EXOC4: variants seen among roughly 807,000 people sequenced by gnomAD.
EXOC4 encodes the protein exocyst complex component 4, also known as SEC8-like 1.
Under a neutral mutation model 107.2 loss-of-function variants are expected in EXOC4, and 71 were observed. That is an observed-to-expected ratio of 0.66 (90% CI 0.55 to 0.81). The LOEUF (loss-of-function observed/expected upper bound fraction) is 0.81. EXOC4 is among the 30% of genes least tolerant of loss of function. EXOC4 has a pLI of 0.00. For synonymous variants in EXOC4, 456 were observed against 441.2 expected (o/e 1.03, Z -0.42); for missense variants, 1,108 against 1,189.6 (o/e 0.93, Z 1.01).
chr7:133,949,451 T>C (rs996469354), intron 14 of EXOC4, among the ~76,000 whole-genome samples: 4 of 152,188 alleles, frequency 2.6e-5, no homozygotes, highest in African/African-American at 9.7e-5. Context: ...CTAAGACTGA[T>C]GAAAAACCTA....
chr7:133,918,008 A>G (rs1799849438), intron 13 of EXOC4, among the ~76,000 whole-genome samples: 1 of 149,740 alleles, frequency 6.7e-6, no homozygotes, highest in Non-Finnish European at 1.5e-5. Flanking sequence ...TTTGAGACAG[A>G]GTCTCACTCT....
intron 7 of EXOC4, among the ~76,000 whole-genome samples, chr7:133,461,750 C>T (rs1360542487): frequency 6.6e-6 from 1 of 152,198 alleles, no homozygotes; most frequent in Non-Finnish European, 1.5e-5. Context: ...CTCCAAGGAG[C>T]TCATCTGTGA....
chr7:133,951,893 G>T (rs770880616), intron 14 of EXOC4, among the ~76,000 whole-genome samples: 3 of 152,210 alleles, frequency 2.0e-5, no homozygotes, highest in Non-Finnish European at 4.4e-5. Flanking sequence ...AGGTGCAGTG[G>T]CTCACGCCTG....
intron 13 of EXOC4, among the ~76,000 whole-genome samples, chr7:133,918,071 C>T (rs1799850830): frequency 6.6e-6 from 1 of 152,022 alleles, no homozygotes; most frequent in Middle Eastern, 3.4e-3. Context: ...CAAACTCCAC[C>T]TCCTGGGTTC....
At chr7:133,478,349 T>A (rs1049180361) in intron 8 of EXOC4, among the ~76,000 whole-genome samples, 1 of 152,020 alleles carries the variant, frequency 6.6e-6, no homozygotes, top group Admixed American at 6.6e-5. Context: ...ATGAACAAAT[T>A]GGCTTAAATA....
chr7:133,523,155 T>C (rs1800011578), intron 9 of EXOC4, among the ~76,000 whole-genome samples: 1 of 152,180 alleles, frequency 6.6e-6, no homozygotes, highest in Non-Finnish European at 1.5e-5. Flanking sequence ...CCTTCTAGGA[T>C]ATTTTAGAAT....
the EXOC4 span, among the ~76,000 whole-genome samples, chr7:134,084,790 A>G: frequency 2.0e-5 from 3 of 152,090 alleles, no homozygotes; most frequent in Non-Finnish European, 4.4e-5. Flanking sequence ...CTGTTAAAAG[A>G]AAAACTTCAG....
rs114780653 is a variant in EXOC4, at chr7:133,661,605, C to T, written c.1514+31464C>T. On this transcript the variant is annotated intron_variant, in intron 10 of 17. Transcript: ENST00000253861. ...GGCTTTGGAGCCCCCCTCCTTTTGT[C>T]TCTGTATGGAGGAGCTTCGTCCTTC... 9.5e-3 allele frequency among the ~76,000 whole-genome samples: 1,290 copies of T among 135,714 alleles called. 25 individuals are homozygous for T. The highest frequency in any genetic ancestry group is 0.035 in the African/African-American group (1,257 of 36,160). The allele number at this position is 135,714 out of a possible 152,430, so 89.0% of individuals were successfully genotyped here. A position where few individuals can be genotyped will look rare whatever the true frequency, so the allele number is the denominator to read the frequency against.
intron 7 of EXOC4, among the ~76,000 whole-genome samples, chr7:133,461,249 A>G (rs1434046094): frequency 1.3e-5 from 2 of 152,144 alleles, no homozygotes; most frequent in South Asian, 2.1e-4. Context: ...GAACCACTGT[A>G]TTTGTCTCTG....
In EXOC4 at chr7:133,363,717, A is replaced by G. The variant is rs148692642; in HGVS notation, c.1007+7144A>G. 6.4e-3 allele frequency among the ~76,000 whole-genome samples: 974 copies of G among 152,122 alleles called. 10 individuals carry two copies. The highest frequency in any genetic ancestry group is 0.022 in the African/African-American group (927 of 41,508). On this transcript the variant is annotated intron_variant, in intron 6 of 17. Transcript: ENST00000253861. ...CAAAGAAATAGAGACAATCTGTTTC[A>G]TGGACTGTAATAACTTTATTTAGAT...
At chr7:134,025,497 C>T (rs916171179) in intron 17 of EXOC4, among the ~76,000 whole-genome samples, 3 of 152,176 alleles carry the variant, frequency 2.0e-5, no homozygotes, top group African/African-American at 4.8e-5. Flanking sequence ...GACTGGGGCC[C>T]AGCTGTAAGG....
At chr7:133,798,728 A>G (rs547520900) in intron 10 of EXOC4, among the ~76,000 whole-genome samples, 1 of 152,270 alleles carries the variant, frequency 6.6e-6, no homozygotes, top group Admixed American at 6.5e-5. Context: ...ATGTTGCTCA[A>G]AAGATCATAC....
rs1043876543 is a variant in EXOC4 at position 133,716,833 on chromosome 7, G to A, written c.1514+86692G>A. On this transcript the variant is annotated intron_variant, in intron 10 of 17. Coordinates refer to ENST00000253861, the MANE Select transcript of EXOC4 (RefSeq NM_021807.4). ...TGCGCACCTGTATTCCAAGCTACTC[G>A]GGAGTCTGAGGCAGGGAAATCACTA... Among the ~76,000 whole-genome samples, 13 of 152,052 alleles carry A rather than the reference G, an allele frequency of 8.5e-5. No homozygotes were observed. The East Asian group carries it at 2.5e-3, about 29-fold the overall frequency.
intron 10 of EXOC4, among the ~76,000 whole-genome samples, chr7:133,743,108 G>C (rs1295943756): frequency 1.3e-5 from 2 of 152,140 alleles, no homozygotes; most frequent in African/African-American, 2.4e-5. Context: ...AGCGGCATCT[G>C]TTCTTATCAT....
chr7:133,954,980 C>A (rs763071777), intron 14 of EXOC4, among the ~76,000 whole-genome samples: 1 of 152,258 alleles, frequency 6.6e-6, no homozygotes, highest in African/African-American at 2.4e-5. Context: ...ACACCAGGAA[C>A]TGCGGAGCCC....
intron 10 of EXOC4, among the ~76,000 whole-genome samples, chr7:133,764,339 C>G (rs1169971225): frequency 6.6e-6 from 1 of 152,036 alleles, no homozygotes; most frequent in African/African-American, 2.4e-5. Flanking sequence ...AACCTATGCT[C>G]TAAGAGTTAA....
rs186446825 is a variant in EXOC4 at position 133,616,420 on chromosome 7, A to G, written c.1418-13625A>G. On this transcript the variant is annotated intron_variant, in intron 9 of 17. Coordinates refer to ENST00000253861, the MANE Select transcript of EXOC4 (RefSeq NM_021807.4). ...TAAGTATGGGTTATTGAATGAAATG[A>G]AATAATTGTGTTTCCCTATTAAAGC... Among the ~76,000 whole-genome samples, 7 of 152,290 alleles carry G rather than the reference A, an allele frequency of 4.6e-5. No homozygotes were observed. In the East Asian group the frequency reaches 1.3e-3, roughly 29 times the overall value.
At chr7:133,385,735 A>G (rs967261064) in intron 7 of EXOC4, among the ~76,000 whole-genome samples, 1 of 114,626 alleles carries the variant, frequency 8.7e-6, no homozygotes, top group African/African-American at 3.0e-5. Flanking sequence ...AAAGAGTCAA[A>G]TATGGAAGTC....
chr7:133,487,793 A>T (rs544952764), intron 9 of EXOC4, among the ~76,000 whole-genome samples: 1 of 152,224 alleles, frequency 6.6e-6, no homozygotes, highest in Admixed American at 6.5e-5. Flanking sequence ...ATGATGCAAC[A>T]GGGAAATTTA....
Sources: gnomAD v4.1 joint callset for allele counts (sites outside exome capture counted in the v4.1 genomes callset) on GRCh38, gnomAD v4.1.1 for gene constraint, MANE v1.5 for transcripts, NCBI Gene and HGNC (gene_info 2026-07-23, HGNC 2026-07-21) for gene names.